The following CKAP5 variants were observed in gnomAD, a reference collection of about 807,000 sequenced individuals.
The protein encoded by CKAP5 is cytoskeleton associated protein 5, also known as cytoskeleton-associated protein 5.
A neutral mutation model predicts 232.8 loss-of-function variants in CKAP5; 27 were observed. That is an observed-to-expected ratio of 0.12 (90% CI 0.09 to 0.16). The LOEUF is 0.16. CKAP5 is among the 10% of genes least tolerant of loss of function. The pLI, the probability that CKAP5 is intolerant of heterozygous loss-of-function variation, is 1.00. For missense variants in CKAP5, 1,838 were observed against 2,424.7 expected (o/e 0.76, Z 5.08); for synonymous variants, 785 against 841.1 (o/e 0.93, Z 1.16).
At chr11:46,828,422 A>C (rs1454446609) in intron 1 of CKAP5, among the ~76,000 whole-genome samples, 6 of 152,208 alleles carry the variant, frequency 3.9e-5, no homozygotes, top group African/African-American at 1.4e-4. Flanking sequence ...ATTCCCATCA[A>C]GCTTAACTGT....
chr11:46,784,774 G>A lies in CKAP5; in HGVS notation c.1969-101C>T. Reference sequence around the variant, plus strand: ...AACAGATATGACATGGTTAGGGACAGCTGGAAACACAACTAAAGTAAAATC... The same window carrying A: ...AACAGATATGACATGGTTAGGGACAACTGGAAACACAACTAAAGTAAAATC... On this transcript the variant is annotated intron_variant, in intron 16 of 43. Coordinates refer to ENST00000529230, the MANE Select transcript of CKAP5 (RefSeq NM_001008938.4). The A allele has an allele frequency of 2.7e-6, 2 of 754,122 alleles. 1 individual carries two copies. Among genetic ancestry groups the A allele is most frequent in the South Asian group, 4.6e-5 (2 of 43,438 alleles). The allele number at this position is 754,122 out of a possible 1,614,324, so 46.7% of individuals were successfully genotyped here.
chr11:46,772,924 T>C (rs1174908671), intron 24 of CKAP5, among the ~76,000 whole-genome samples: 1 of 152,062 alleles, frequency 6.6e-6, no homozygotes, highest in Non-Finnish European at 1.5e-5. Flanking sequence ...GTATTTTTGG[T>C]AGAGACGGGG....
intron 18 of CKAP5, 81 bp from the exon 19 acceptor site, chr11:46,780,566 G>A: frequency 8.7e-7 from 1 of 1,146,634 alleles, no homozygotes; most frequent in East Asian, 2.5e-5. Context: ...CCAGACTCTA[G>A]GACTGGCTCC....
chr11:46,746,837 T>G (rs975261747), intron 42 of CKAP5, among the ~76,000 whole-genome samples: 10 of 152,222 alleles, frequency 6.6e-5, no homozygotes, highest in Non-Finnish European at 1.3e-4. Flanking sequence ...TAGCAATTTT[T>G]CAGCTCCAGC....
At chr11:46,826,288 C>T (rs933637096) in intron 1 of CKAP5, among the ~76,000 whole-genome samples, 1 of 152,102 alleles carries the variant, frequency 6.6e-6, no homozygotes, top group Non-Finnish European at 1.5e-5. Context: ...CAACACAGGC[C>T]TCTGGAGAGA....
At chr11:46,795,922 G>C in intron 12 of CKAP5, 146 bp from the exon 13 acceptor site, 1 of 643,788 alleles carries the variant, frequency 1.6e-6, no homozygotes, top group Admixed American at 2.9e-5. Flanking sequence ...CTAGCACTTT[G>C]GAAGGCCGAG....
At chr11:46,750,683 G>C (rs1044302973) in intron 40 of CKAP5, 72 bp from the exon 41 acceptor site, 2 of 1,192,432 alleles carry the variant, frequency 1.7e-6, no homozygotes, top group Non-Finnish European at 2.4e-6. Flanking sequence ...GGTTGGATAT[G>C]AACAGAAAAT....
rs2065002521 is a variant in CKAP5, at chr11:46,743,849, G to C, written c.*174C>G. On this transcript the variant is annotated 3_prime_UTR_variant, in exon 44 of 44. Transcript: ENST00000529230. ...CTTCTAGAGCAGCAGGACGCTGACAGAGAGAAGCAGAGTATGTACAAATAC... is the reference window on the plus strand; with the variant it reads ...CTTCTAGAGCAGCAGGACGCTGACACAGAGAAGCAGAGTATGTACAAATAC... 2.6e-6 allele frequency: 2 copies of C among 756,876 alleles called. No homozygotes were observed. Among genetic ancestry groups the C allele is most frequent in the Non-Finnish European group, 4.2e-6 (2 of 474,166 alleles). 46.9% of individuals were successfully genotyped at this position (756,876 alleles called of 1,614,324 possible). A position where few individuals can be genotyped will look rare whatever the true frequency, so the allele number is the denominator to read the frequency against.
At chr11:46,795,980 A>G (rs1938862357) in intron 12 of CKAP5, among the ~76,000 whole-genome samples, 1 of 152,082 alleles carries the variant, frequency 6.6e-6, no homozygotes, top group Admixed American at 6.6e-5. Flanking sequence ...CCTGGCCAAC[A>G]TGGTGAAACC....
intron 1 of CKAP5, among the ~76,000 whole-genome samples, chr11:46,833,489 TTTTG>T (rs1939841383): frequency 6.6e-6 from 1 of 150,902 alleles, no homozygotes; most frequent in Admixed American, 6.6e-5. Flanking sequence ...TTAATTTTTT[TTTTG>T]TTTTGAGACG....
At chr11:46,781,379 TCTC>T (rs1403577562) in intron 18 of CKAP5, among the ~76,000 whole-genome samples, 1 of 151,918 alleles carries the variant, frequency 6.6e-6, no homozygotes, top group African/African-American at 2.4e-5. Context: ...CTGTCTTTGA[TCTC>T]CTCTCTGTCT....
At chr11:46,778,718 G>A in intron 20 of CKAP5, 119 bp from the exon 21 acceptor site, 1 of 759,354 alleles carries the variant, frequency 1.3e-6, no homozygotes, top group Non-Finnish European at 2.2e-6. Context: ...TACACAGTAG[G>A]TAATTTGACT....
intron 16 of CKAP5, among the ~76,000 whole-genome samples, chr11:46,788,110 C>A (rs2065413777): frequency 6.6e-6 from 1 of 152,162 alleles, no homozygotes; most frequent in Admixed American, 6.5e-5. Context: ...ACTATGTTAT[C>A]AGTAGGGCTT....
Position 46,818,350 on chromosome 11 carries a change from C to T in CKAP5, c.211G>A (p.Ala71Thr). The change falls in exon 3 of 44, where the codon GCT becomes ACT. Residue 71 changes from alanine to threonine, a missense_variant. Ala to Thr is a moderately conservative substitution (Grantham distance 58). This residue lies in a region of CKAP5 where 285 missense variants were observed against 300.0 expected (regional missense o/e 0.95). Transcript: ENST00000529230. ...NAVVQLKGLE[A>T]ALVYVENAHV... ...GCATTTTCAACATAAACAAGTGCAG[C>T]TTCTAATCCTTTCAATTGAACCACT... The T allele has an allele frequency of 1.2e-6, 2 of 1,606,022 alleles. No individual in the cohort carries two copies. Among genetic ancestry groups the T allele is most frequent in the Non-Finnish European group, 1.7e-6 (2 of 1,177,632 alleles).
rs764552353 is a variant in CKAP5, at chr11:46,760,728, T to A, written c.4278A>T (p.Arg1426Ser). The A allele has an allele frequency of 2.5e-5, 41 of 1,614,170 alleles. No homozygotes were observed. The highest frequency in any genetic ancestry group is 3.5e-5 in the Non-Finnish European group (41 of 1,180,020). The change falls in exon 33 of 44, where the codon AGA (arginine) becomes AGT (serine). Residue 1426 changes from arginine (R) to serine (S), a missense_variant. This residue lies in a region of CKAP5 where 579 missense variants were observed against 843.2 expected (regional missense o/e 0.69). Coordinates refer to ENST00000529230, the MANE Select transcript of CKAP5 (RefSeq NM_001008938.4). The stretch of plus-strand genomic sequence containing the variant: ...CCTGTTTTATTGGTGCAGCAGAGGG[T>A]CTCTTTGCTGACCGCTTAATCCTCT... ...LEERIKRSAK[R>S]PSAAPIKQVE...
Position 46,778,365 on chromosome 11 carries a change from T to C in CKAP5, c.2574-52A>G. ...TCCAGACTCCAAAAAAATGATGATA[T>C]CACGTTAAGTTCCCCTCACTGAATT... On this transcript the variant is annotated intron_variant, in intron 21 of 43. Transcript: ENST00000529230. The C allele has an allele frequency of 1.9e-6, 3 of 1,600,674 alleles. No individual in the cohort carries two copies. The South Asian group carries it at 3.3e-5, about 18-fold the overall frequency.
chr11:46,776,131 C>T (rs556923464), intron 24 of CKAP5, 124 bp downstream of exon 24: 2 of 784,910 alleles, frequency 2.5e-6, no homozygotes, highest in South Asian at 7.4e-5. Context: ...AATGTGATTT[C>T]ATTTTATTAA....
At chr11:46,817,496 T>C (rs1021293948) in intron 3 of CKAP5, among the ~76,000 whole-genome samples, 2 of 152,088 alleles carry the variant, frequency 1.3e-5, no homozygotes, top group African/African-American at 2.4e-5. Context: ...GCAGCATTTA[T>C]CAAAAAACCG....
chr11:46,818,622 C>T (rs1939460193), intron 2 of CKAP5, 119 bp from the exon 3 acceptor site: 1 of 688,358 alleles, frequency 1.5e-6, no homozygotes, highest in African/African-American at 1.9e-5. Context: ...GTAATGTAAA[C>T]AAAGGACCCC....
Sources: gnomAD v4.1 joint callset for allele counts (sites outside exome capture counted in the v4.1 genomes callset) on GRCh38, gnomAD v4.1.1 for gene constraint, gnomAD v4.1.1 regional missense constraint, MANE v1.5 for transcripts, NCBI Gene and HGNC (gene_info 2026-07-23, HGNC 2026-07-21) for gene names.